DNASE1: variants seen among roughly 807,000 people sequenced by gnomAD.
The protein encoded by DNASE1 is deoxyribonuclease 1, also known as deoxyribonuclease-1.
Under a neutral mutation model 33.9 loss-of-function variants are expected in DNASE1, and 40 were observed. The observed-to-expected ratio is 1.18, with a 90% CI of 0.92 to 1.54. The LOEUF is 1.54. Ranked by LOEUF, DNASE1 falls within the 40% of genes most tolerant of loss-of-function variation. DNASE1 has a pLI of 0.00. For synonymous variants in DNASE1, 216 were observed against 160.0 expected (o/e 1.35, Z -2.64); for missense variants, 518 against 372.6 (o/e 1.39, Z -3.21).
At chr16:3,639,431 C>T (rs189491026), upstream of DNASE1, among the ~76,000 whole-genome samples, 2 of 152,366 alleles carry the variant, frequency 1.3e-5, no homozygotes, top group East Asian at 3.9e-4. Context: ...CAGCACTCCT[C>T]AAGCAGCCTT....
chr16:3,635,457 C>CAAA (rs753495578), intron 1 of DNASE1, among the ~76,000 whole-genome samples: 5 of 59,684 alleles, frequency 8.4e-5, no homozygotes, highest in African/African-American at 2.6e-4. Flanking sequence ...GACTCTGTCT[C>CAAA]AAAAAAAAAA....
chr16:3,616,245 A>G (rs896882091), intron 1 of DNASE1, among the ~76,000 whole-genome samples: 3 of 152,168 alleles, frequency 2.0e-5, no homozygotes, highest in African/African-American at 2.4e-5. Flanking sequence ...ACTCCCCCCA[A>G]AGCATCTACC....
At chr16:3,652,140 G>C (rs1034065559), upstream of DNASE1, 1 of 152,452 alleles carries the variant, frequency 6.6e-6, no homozygotes, top group South Asian at 2.1e-4. Flanking sequence ...GGCAGGTAGA[G>C]GAAGCAGGGG....
chr16:3,625,043 A>G (rs2041461795), intron 1 of DNASE1, among the ~76,000 whole-genome samples: 1 of 152,130 alleles, frequency 6.6e-6, no homozygotes, highest in Admixed American at 6.6e-5. Flanking sequence ...GCAGTGGCTC[A>G]CTCCTGTAAT....
downstream of DNASE1, chr16:3,662,925 G>A (rs1436263704): frequency 6.2e-7 from 1 of 1,613,036 alleles, no homozygotes; most frequent in East Asian, 2.2e-5. Context: ...TCTCATCCAG[G>A]CCATGAGCTC....
At position 3,657,754 on chromosome 16, in the gene DNASE1, G is replaced by A. The variant is rs148684969; in HGVS notation, c.739G>A (p.Val247Ile). ...VVAGMLLRGAVVPDSALPFNF... is the reference protein window; with the variant it reads ...VVAGMLLRGAIVPDSALPFNF... ...TGCAGGGATGCTGCTCCGAGGCGCCGTTGTTCCCGACTCGGCTCTTCCCTT... is the reference window on the plus strand; with the variant it reads ...TGCAGGGATGCTGCTCCGAGGCGCCATTGTTCCCGACTCGGCTCTTCCCTT... Residue 247 changes from valine to isoleucine, a missense_variant, in exon 8 of 9, where the codon GTT (valine) becomes ATT (isoleucine). Coordinates refer to ENST00000246949, the MANE Select transcript of DNASE1 (RefSeq NM_005223.4). 304 of 1,613,896 alleles carry A rather than the reference G, an allele frequency of 1.9e-4. No homozygotes were observed. The highest frequency in any genetic ancestry group is 4.4e-4 in the African/African-American group (33 of 75,036).
At chr16:3,625,477 A>G (rs910546736) in intron 1 of DNASE1, among the ~76,000 whole-genome samples, 1 of 152,000 alleles carries the variant, frequency 6.6e-6, no homozygotes, top group African/African-American at 2.4e-5. Flanking sequence ...TTTAAATAAA[A>G]TTAGCCAGCA....
In DNASE1 at chr16:3,657,018, T is replaced by G; in HGVS notation, c.456T>G (p.Ile152Met). ...SRFTEVREFA[I>M]VPLHAAPGDA... ...CCACAGAGGTCAGGGAGTTTGCCAT[T>G]GTTCCCCTGCATGCGGCCCCGGGGG... The change falls in exon 6 of 9, where the codon ATT becomes ATG. Residue 152 changes from isoleucine to methionine, a missense_variant. By Grantham distance (10) the Ile-to-Met change is conservative. Transcript: ENST00000246949. The G allele has an allele frequency of 6.2e-7, 1 of 1,613,796 alleles. No homozygotes were observed. Among genetic ancestry groups the G allele is most frequent in the Non-Finnish European group, 8.5e-7 (1 of 1,179,974 alleles).
At chr16:3,632,987 T>A (rs1567193568) in intron 1 of DNASE1, among the ~76,000 whole-genome samples, 1 of 152,172 alleles carries the variant, frequency 6.6e-6, no homozygotes, top group Non-Finnish European at 1.5e-5. Context: ...GATGACAAAT[T>A]CCCTTAATTT....
At chr16:3,661,672 C>G, downstream of DNASE1, 1 of 308,480 alleles carries the variant, frequency 3.2e-6, no homozygotes, top group Non-Finnish European at 5.9e-6. Context: ...CCAAGATCCA[C>G]GTACAAAGCT....
intron 1 of DNASE1, chr16:3,643,109 G>A (rs1199604461): frequency 2.0e-5 from 3 of 153,642 alleles, no homozygotes; most frequent in East Asian, 3.8e-4. Flanking sequence ...CTGAGAAGCT[G>A]GGCATGGGCG....
At chr16:3,630,153 GTT>G (rs1270830843) in intron 1 of DNASE1, among the ~76,000 whole-genome samples, 2 of 151,864 alleles carry the variant, frequency 1.3e-5, no homozygotes, top group African/African-American at 4.8e-5. Flanking sequence ...GTGTGTGTGT[GTT>G]TGTTGTTGTT....
chr16:3,628,067 C>T (rs1379688122), intron 1 of DNASE1, among the ~76,000 whole-genome samples: 1 of 151,858 alleles, frequency 6.6e-6, no homozygotes, highest in East Asian at 1.9e-4. Flanking sequence ...TATCGTCCAA[C>T]CCATGAAAGT....
intron 1 of DNASE1, among the ~76,000 whole-genome samples, chr16:3,616,003 T>C (rs2041090418): frequency 6.6e-6 from 1 of 152,214 alleles, no homozygotes; most frequent in African/African-American, 2.4e-5. Flanking sequence ...TCTCCTGAGT[T>C]CTTTGATCAT....
In DNASE1 at chr16:3,655,538, T is replaced by TC. The variant is rs1372733707; in HGVS notation, c.147+24dup. ...TTGTGCAGGTGAGGCCAGGGCAGCC[T>TC]CCCCCCAAAAGCAGAGGAGCTCTGG... On this transcript the variant is annotated intron_variant, in intron 2 of 8. Transcript: ENST00000246949. 6.2e-7 allele frequency: 1 copy of TC among 1,613,586 alleles called. No homozygotes were observed. Among genetic ancestry groups the TC allele is most frequent in the Non-Finnish European group, 8.5e-7 (1 of 1,179,954 alleles).
chr16:3,615,683 G>C (rs1028105398), intron 1 of DNASE1, among the ~76,000 whole-genome samples: 19 of 152,176 alleles, frequency 1.2e-4, no homozygotes, highest in African/African-American at 4.3e-4. Context: ...TGAAAAAACT[G>C]TGTTATTCCA....
In DNASE1 at chr16:3,657,706, C is replaced by G. The variant is rs1168171340; in HGVS notation, c.705-14C>G. On this transcript the variant is annotated splice_polypyrimidine_tract_variant and intron_variant, in intron 7 of 8. Coordinates refer to ENST00000246949, the MANE Select transcript of DNASE1 (RefSeq NM_005223.4). ...TGAAAGGGGAACCTACTTTCTCTTC[C>G]CAACACCCATCAGGATCGTGGTTGC... The G allele has an allele frequency of 6.2e-7, 1 of 1,613,656 alleles. No homozygotes were observed. Among genetic ancestry groups the G allele is most frequent in the Non-Finnish European group, 8.5e-7 (1 of 1,179,962 alleles).
chr16:3,662,067 G>A (rs751682541), downstream of DNASE1: 12 of 1,613,346 alleles, frequency 7.4e-6, no homozygotes, highest in East Asian at 2.5e-4. Context: ...TGCGCAGGAA[G>A]TGGCGGGCAG....
downstream of DNASE1, chr16:3,661,704 T>G: frequency 2.7e-6 from 1 of 364,616 alleles, no homozygotes; most frequent in Non-Finnish European, 4.9e-6. Context: ...AAACTGAGCA[T>G]GTCCAGGACA....
Sources: gnomAD v4.1 joint callset for allele counts (sites outside exome capture counted in the v4.1 genomes callset) on GRCh38, gnomAD v4.1.1 for gene constraint, MANE v1.5 for transcripts, NCBI Gene and HGNC (gene_info 2026-07-23, HGNC 2026-07-21) for gene names.